GATA4: variants seen among roughly 807,000 people sequenced by gnomAD.
The protein encoded by GATA4 is GATA binding protein 4.
GATA4 carries 7 observed loss-of-function variants against 37.9 expected under a neutral mutation model. That is an observed-to-expected ratio of 0.18 (90% CI 0.11 to 0.35). The LOEUF is 0.35. Among genes scored for constraint, GATA4 ranks in the 10% least tolerant of loss-of-function variants. GATA4 has a pLI of 1.00. For missense variants in GATA4, 647 were observed against 653.0 expected, an observed-to-expected ratio of 0.99 and a Z score of 0.10; for synonymous variants, 372 against 292.6, an observed-to-expected ratio of 1.27 and a Z score of -2.77.
chr8:11,731,639 G>A (rs1165206028), intron 2 of GATA4, among the ~76,000 whole-genome samples: 4 of 152,212 alleles, frequency 2.6e-5, no homozygotes, highest in Non-Finnish European at 5.9e-5. Context: ...AGTTTTGCAC[G>A]ATGAAAACAG....
chr8:11,741,376 G>T (rs1478495877), intron 2 of GATA4, among the ~76,000 whole-genome samples: 1 of 152,090 alleles, frequency 6.6e-6, no homozygotes, highest in Non-Finnish European at 1.5e-5. Flanking sequence ...CTACTCAGGA[G>T]GTTCAGGCAG....
At chr8:11,683,346 A>G (rs1799038390) in intron 1 of GATA4, among the ~76,000 whole-genome samples, 1 of 152,234 alleles carries the variant, frequency 6.6e-6, no homozygotes. Flanking sequence ...ACCACTGCGT[A>G]TTATGCTTGC....
At position 11,707,663 on chromosome 8, in the gene GATA4, G is replaced by C. The variant is rs950461418; in HGVS notation, c.-457-193G>C. 6.6e-6 allele frequency among the ~76,000 whole-genome samples: 1 copy of C among 152,174 alleles called. No homozygotes were observed. Among genetic ancestry groups the C allele is most frequent in the African/African-American group, 2.4e-5 (1 of 41,436 alleles). ...GGGGCGCCTCTCCCCAGGCTTGCCT[G>C]GGCCGCCTGACCCAACGCCTGGACA... On this transcript the variant is annotated intron_variant, in intron 1 of 6. Transcript: ENST00000532059. This position sits in a 1 kb window ranked among gnomAD's most constrained non-coding sequence, Gnocchi z 4.7.
intron 1 of GATA4, chr8:11,683,233 G>A (rs780205407): frequency 5.8e-6 from 4 of 689,928 alleles, no homozygotes; most frequent in Non-Finnish European, 7.1e-6. Context: ...GGGGGAGGAC[G>A]GAGGGACGGG....
intron 1 of GATA4, among the ~76,000 whole-genome samples, chr8:11,686,595 T>A (rs1052980966): frequency 6.6e-6 from 1 of 152,208 alleles, no homozygotes; most frequent in Admixed American, 6.5e-5. Flanking sequence ...GCCATCTTCA[T>A]GTAATTTTCC....
At chr8:11,722,163 A>G (rs1224714725) in intron 2 of GATA4, among the ~76,000 whole-genome samples, 1 of 152,134 alleles carries the variant, frequency 6.6e-6, no homozygotes, top group Non-Finnish European at 1.5e-5. Flanking sequence ...AAGTTTTTTA[A>G]TGTGAAAAAT....
At position 11,708,382 on chromosome 8, in the gene GATA4, G is replaced by C; in HGVS notation, c.70G>C (p.Gly24Arg). Residue 24 changes from glycine (G) to arginine (R), a missense_variant, in exon 2 of 7, where the codon GGC becomes CGC. This residue lies in a region of GATA4 where 379 missense variants were observed against 334.5 expected (regional missense o/e 1.13). Coordinates refer to ENST00000532059, the MANE Select transcript of GATA4 (RefSeq NM_001308093.3). This position sits in a 1 kb window ranked among gnomAD's most constrained non-coding sequence, Gnocchi z 6.7. ...PPGAYEAGGP[G>R]AFMHGAGAAS... The stretch of plus-strand genomic sequence containing the variant: ...CGGTGCCTACGAGGCGGGCGGCCCC[G>C]GCGCCTTCATGCACGGCGCGGGCGC... 6.4e-7 allele frequency: 1 copy of C among 1,554,058 alleles called. No individual in the cohort carries two copies. Among genetic ancestry groups the C allele is most frequent in the Non-Finnish European group, 8.6e-7 (1 of 1,157,312 alleles).
chr8:11,697,778 A>G, intron 1 of GATA4: 1 of 984,830 alleles, frequency 1.0e-6, no homozygotes, highest in Non-Finnish European at 1.2e-6. Flanking sequence ...GTCTTCTCCA[A>G]CTCCGGGTCA....
In GATA4 at chr8:11,735,674, T is replaced by C. The variant is rs1255556572; in HGVS notation, c.617-13242T>C. Among the ~76,000 whole-genome samples, 4 of 152,216 alleles carry C rather than the reference T, an allele frequency of 2.6e-5. No homozygotes were observed. The East Asian group carries it at 5.8e-4, about 22-fold the overall frequency. On this transcript the variant is annotated intron_variant, in intron 2 of 6. Transcript: ENST00000532059. ...TCCTTCCGGGTTCAAGCGATTCTTC[T>C]GCTTCAGCCTCCCCAGTAGCTGGGA...
At chr8:11,702,663 T>C (rs1159564016), upstream of GATA4, among the ~76,000 whole-genome samples, 1 of 151,112 alleles carries the variant, frequency 6.6e-6, no homozygotes, top group East Asian at 2.0e-4. The surrounding 1 kb of genome is among the most constrained non-coding windows in gnomAD (Gnocchi z 4.4). Flanking sequence ...TTCTGCTAAG[T>C]AGCAGGCTAG....
At position 11,758,348 on chromosome 8, in the gene GATA4, C is replaced by T. The variant is rs748130910; in HGVS notation, c.1205C>T (p.Ser402Leu). Residue 402 changes from serine (S) to leucine (L), a missense_variant, in exon 7 of 7, where the codon TCG becomes TTG. This residue lies in a region of GATA4 where 184 missense variants were observed against 157.1 expected (regional missense o/e 1.17). Transcript: ENST00000532059. ...GGGCCCTCCATCCACCCTGTCCTCT[C>T]GGCCCTGAAGCTCTCCCCACAAGGC... is the stretch of plus-strand genomic sequence containing the variant. ...GHGPSIHPVL[S>L]ALKLSPQGYA... The T allele has an allele frequency of 8.7e-6, 14 of 1,614,066 alleles. No homozygotes were observed. The highest frequency in any genetic ancestry group is 4.5e-5 in the East Asian group (2 of 44,904).
intron 1 of GATA4, among the ~76,000 whole-genome samples, chr8:11,694,140 G>A (rs537603034): frequency 6.6e-6 from 1 of 152,244 alleles, no homozygotes; most frequent in South Asian, 2.1e-4. Flanking sequence ...TTTGTTCTCC[G>A]GTTTGCGGGT....
intron 1 of GATA4, chr8:11,681,234 G>A: frequency 1.0e-6 from 1 of 985,356 alleles, no homozygotes; most frequent in Non-Finnish European, 1.2e-6. Flanking sequence ...TCGACGTTTG[G>A]GGACTTACAG....
chr8:11,729,243 C>T (rs1462708439), intron 2 of GATA4, among the ~76,000 whole-genome samples: 4 of 150,818 alleles, frequency 2.7e-5, no homozygotes, highest in African/African-American at 9.8e-5. Flanking sequence ...GGAGTTGGGA[C>T]CAGATGATTT....
Position 11,707,996 on chromosome 8 carries a change from C to A in GATA4, c.-317C>A, listed in dbSNP as rs1368818824. ...ACCTCCAGGCCTGGACGCTGCCCTC[C>A]GTCTTCTGCCCCCAATAGGTGCGCC... On this transcript the variant is annotated 5_prime_UTR_variant, in exon 2 of 7. Transcript: ENST00000532059. This position sits in a 1 kb window ranked among gnomAD's most constrained non-coding sequence, Gnocchi z 4.7. The A allele has an allele frequency of 2.5e-6, 1 of 399,438 alleles. No homozygotes were observed. Among genetic ancestry groups the A allele is most frequent in the East Asian group, 5.9e-5 (1 of 16,986 alleles). The allele number at this position is 399,438 out of a possible 1,614,324, so 24.7% of individuals were successfully genotyped here.
At chr8:11,756,878 C>G in intron 5 of GATA4, 57 bp from the exon 6 acceptor site, 1 of 1,613,192 alleles carries the variant, frequency 6.2e-7, no homozygotes, top group Non-Finnish European at 8.5e-7. Context: ...CGCAGGCTGC[C>G]GGCTGTTCGT....
At chr8:11,705,711 A>C (rs1799862498) in intron 1 of GATA4, among the ~76,000 whole-genome samples, 1 of 152,216 alleles carries the variant, frequency 6.6e-6, no homozygotes, top group African/African-American at 2.4e-5. Context: ...AAAGTTATAG[A>C]GGAGTATTTT....
upstream of GATA4, among the ~76,000 whole-genome samples, chr8:11,703,346 G>A (rs1185716650): frequency 6.6e-6 from 1 of 152,144 alleles, no homozygotes; most frequent in South Asian, 2.1e-4. Context: ...CAGCCCCGCT[G>A]CGCTGGGGCC....
chr8:11,701,672 C>A (rs937504370), upstream of GATA4, among the ~76,000 whole-genome samples: 1 of 152,176 alleles, frequency 6.6e-6, no homozygotes, highest in African/African-American at 2.4e-5. Context: ...CCTGGTTTGT[C>A]CTTGAGCTGA....
Sources: gnomAD v4.1 joint callset for allele counts (sites outside exome capture counted in the v4.1 genomes callset) on GRCh38, gnomAD v4.1.1 for gene constraint, gnomAD v4.1.1 regional missense constraint, Gnocchi (gnomAD v3.1) non-coding constraint, MANE v1.5 for transcripts, NCBI Gene and HGNC (gene_info 2026-07-23, HGNC 2026-07-21) for gene names.